CDH12: variants seen among roughly 807,000 people sequenced by gnomAD.
The protein encoded by CDH12 is cadherin 12.
A neutral mutation model predicts 74.1 loss-of-function variants in CDH12; 41 were observed. The ratio of observed to expected loss-of-function variants is 0.55; its 90% CI spans 0.43 to 0.72. CDH12 has a LOEUF of 0.72. Ranked by LOEUF, CDH12 falls within the 30% of genes least tolerant of loss-of-function variation. The pLI is 0.00. For missense variants in CDH12, 945 were observed against 977.2 expected (o/e 0.97, Z 0.44); for synonymous variants, 399 against 355.0 (o/e 1.12, Z -1.39).
At chr5:21,788,601 TA>T (rs932774617) in intron 10 of CDH12, among the ~76,000 whole-genome samples, 46 of 152,278 alleles carry the variant, frequency 3.0e-4, no homozygotes, top group African/African-American at 1.1e-3. Context: ...ATATTTTTAA[TA>T]TTTTTAAAAT....
At chr5:22,749,178 A>G (rs556134479) in intron 1 of CDH12, among the ~76,000 whole-genome samples, 2 of 152,328 alleles carry the variant, frequency 1.3e-5, no homozygotes, top group East Asian at 3.9e-4. Context: ...GCAGAAGTTG[A>G]AAGTATGATC....
intron 4 of CDH12, among the ~76,000 whole-genome samples, chr5:22,211,881 G>T (rs4701576): frequency 0.32 from 48,310 of 151,370 alleles, 8,131 homozygotes; most frequent in South Asian, 0.39. Context: ...TGTCATAAAA[G>T]AAATCCACTT....
At position 21,880,621 on chromosome 5, in the gene CDH12, T is replaced by TCCTTCCTTCTTTCTC. The variant is rs1561268481; in HGVS notation, c.527-25832_527-25831insGAGAAAGAAGGAAGG. Among the ~76,000 whole-genome samples the TCCTTCCTTCTTTCTC allele has an allele frequency of 4.7e-4, 23 of 48,660 alleles. No individual in the cohort carries two copies. The South Asian group carries it at 7.4e-3, about 16-fold the overall frequency. The allele number at this position is 48,660 out of a possible 152,430, so 31.9% of individuals were successfully genotyped here. On this transcript the variant is annotated intron_variant, in intron 6 of 14. Transcript: ENST00000382254. The stretch of plus-strand genomic sequence containing the variant: ...CTTCCTTCCTTCCTTCCTTCCTTCT[T>TCCTTCCTTCTTTCTC]TCTTTCTTTCTTTCTTTCTTTCTTT...
intron 3 of CDH12, among the ~76,000 whole-genome samples, chr5:22,230,642 T>A (rs1752351434): frequency 6.6e-6 from 1 of 151,910 alleles, no homozygotes; most frequent in Non-Finnish European, 1.5e-5. Flanking sequence ...AGCTAATTTT[T>A]GTATTTTTAA....
At chr5:22,658,800 A>G (rs1224108162) in intron 1 of CDH12, among the ~76,000 whole-genome samples, 2 of 152,154 alleles carry the variant, frequency 1.3e-5, no homozygotes, top group African/African-American at 4.8e-5. Context: ...ACCAAACAAA[A>G]TCTTGCAATG....
intron 6 of CDH12, among the ~76,000 whole-genome samples, chr5:21,880,996 C>T (rs997295626): frequency 1.6e-4 from 25 of 152,132 alleles, no homozygotes; most frequent in African/African-American, 5.8e-4. Context: ...TGCCAGGGCA[C>T]TTCTTTAGCT....
intron 3 of CDH12, among the ~76,000 whole-genome samples, chr5:22,236,319 T>C (rs2150378093): frequency 6.6e-6 from 1 of 152,358 alleles, no homozygotes; most frequent in East Asian, 1.9e-4. Context: ...GCAATAACAC[T>C]TAGCTTAAAA....
intron 6 of CDH12, among the ~76,000 whole-genome samples, chr5:21,877,684 T>C (rs545132583): frequency 6.6e-6 from 1 of 152,304 alleles, no homozygotes; most frequent in East Asian, 1.9e-4. Context: ...CAGAAATCAA[T>C]GGAGCAGCTT....
In CDH12 at chr5:22,017,468, G is replaced by T. The variant is rs139836538; in HGVS notation, c.232-42083C>A. ...TGCTAAGGGAATTAACTGTTTTTCA[G>T]ATGCTCCCTTATGTATATCAGATGA... On this transcript the variant is annotated intron_variant, in intron 5 of 14. Transcript: ENST00000382254. 4.6e-5 allele frequency among the ~76,000 whole-genome samples: 7 copies of T among 152,222 alleles called. No homozygotes were observed. In the East Asian group the frequency reaches 1.4e-3, roughly 29 times the overall value.
Position 22,075,151 on chromosome 5 carries a change from T to C in CDH12, c.231+3295A>G, listed in dbSNP as rs573909385. On this transcript the variant is annotated intron_variant, in intron 5 of 14. Coordinates refer to ENST00000382254, the MANE Select transcript of CDH12 (RefSeq NM_004061.5). ...AGCCATAAAAAAGGATGAGTTCATG[T>C]CCTTTGTAGGGACATGGATGAAGCT... 1.7e-3 allele frequency among the ~76,000 whole-genome samples: 258 copies of C among 152,000 alleles called. 1 individual carries two copies. The highest frequency in any genetic ancestry group is 6.1e-3 in the African/African-American group (251 of 41,426).
intron 1 of CDH12, among the ~76,000 whole-genome samples, chr5:22,835,207 C>A (rs73741804): frequency 0.017 from 2,566 of 152,072 alleles, 75 homozygotes; most frequent in African/African-American, 0.06. Context: ...AATGTCTACA[C>A]TCTGTTCACA....
chr5:21,905,914 G>C (rs1753621430), intron 6 of CDH12, among the ~76,000 whole-genome samples: 1 of 151,948 alleles, frequency 6.6e-6, no homozygotes, highest in Non-Finnish European at 1.5e-5. Context: ...ACTTTCTTCT[G>C]TTTGTTTCTA....
chr5:21,860,188 A>C (rs1750970008), intron 6 of CDH12, among the ~76,000 whole-genome samples: 1 of 152,052 alleles, frequency 6.6e-6, no homozygotes, highest in Non-Finnish European at 1.5e-5. Context: ...ATGTTTGTGC[A>C]TGTATACATT....
intron 3 of CDH12, among the ~76,000 whole-genome samples, chr5:22,347,507 T>C (rs1580548321): frequency 6.6e-6 from 1 of 152,100 alleles, no homozygotes; most frequent in South Asian, 2.1e-4. Context: ...ACTTTTGAGG[T>C]TTTGGGATGC....
At chr5:22,584,348 C>T (rs985015281) in intron 1 of CDH12, among the ~76,000 whole-genome samples, 21 of 152,164 alleles carry the variant, frequency 1.4e-4, no homozygotes, top group African/African-American at 4.6e-4. Context: ...GATCCATCTG[C>T]CTCGGCTTCC....
intron 1 of CDH12, among the ~76,000 whole-genome samples, chr5:22,542,138 G>T (rs1738133456): frequency 6.6e-6 from 1 of 152,182 alleles, no homozygotes; most frequent in Admixed American, 6.5e-5. Flanking sequence ...TTTAATCAAT[G>T]TTGACAACTG....
At chr5:22,587,925 T>G (rs1295360131) in intron 1 of CDH12, among the ~76,000 whole-genome samples, 2 of 148,316 alleles carry the variant, frequency 1.3e-5, no homozygotes, top group Non-Finnish European at 3.0e-5. Flanking sequence ...ATAATATATA[T>G]AGATTTATAT....
chr5:22,323,622 CAT>C (rs1738973150), intron 3 of CDH12, among the ~76,000 whole-genome samples: 1 of 152,064 alleles, frequency 6.6e-6, no homozygotes. Flanking sequence ...AATCAAGAAA[CAT>C]ATCGCCACAT....
intron 4 of CDH12, among the ~76,000 whole-genome samples, chr5:22,097,019 C>G (rs530395879): frequency 6.6e-6 from 1 of 152,130 alleles, no homozygotes; most frequent in African/African-American, 2.4e-5. Flanking sequence ...CACTGTGAGA[C>G]AAACCCCAGC....
Sources: gnomAD v4.1 joint callset for allele counts (sites outside exome capture counted in the v4.1 genomes callset) on GRCh38, gnomAD v4.1.1 for gene constraint, MANE v1.5 for transcripts, NCBI Gene and HGNC (gene_info 2026-07-23, HGNC 2026-07-21) for gene names.